Variants in SLC30A9 observed in about 807,000 individuals in gnomAD.
SLC30A9 encodes proton-coupled zinc antiporter SLC30A9, mitochondrial.
SLC30A9 carries 58 observed loss-of-function variants against 87.5 expected under a neutral mutation model. The ratio of observed to expected loss-of-function variants is 0.66; its 90% CI spans 0.54 to 0.82. SLC30A9 has a LOEUF of 0.82. Among genes scored for constraint, SLC30A9 ranks in the 40% least tolerant of loss-of-function variants. SLC30A9 has a pLI of 0.00. For synonymous variants in SLC30A9, 234 were observed against 233.0 expected (o/e 1.00, Z -0.04); for missense variants, 557 against 679.1 (o/e 0.82, Z 2.00).
chr4:42,006,487 G>A (rs1420759437), intron 2 of SLC30A9, among the ~76,000 whole-genome samples: 1 of 152,010 alleles, frequency 6.6e-6, no homozygotes, highest in Admixed American at 6.6e-5. Flanking sequence ...AGGAGTTCGA[G>A]ACCAGCCTGA....
intron 4 of SLC30A9, among the ~76,000 whole-genome samples, chr4:42,021,523 G>A (rs989053171): frequency 6.6e-6 from 1 of 152,130 alleles, no homozygotes; most frequent in African/African-American, 2.4e-5. Context: ...AATATAGAAT[G>A]ACTATTTAGC....
intron 9 of SLC30A9, among the ~76,000 whole-genome samples, chr4:42,053,466 A>G (rs1338293716): frequency 1.3e-5 from 2 of 152,056 alleles, no homozygotes; most frequent in African/African-American, 2.4e-5. Context: ...CAAGGCAGGC[A>G]GATCATCTGA....
chr4:42,070,790 C>A, intron 15 of SLC30A9, 99 bp downstream of exon 15: 2 of 949,606 alleles, frequency 2.1e-6, no homozygotes, highest in Non-Finnish European at 3.0e-6. Flanking sequence ...TTTTGGATTC[C>A]TCGTCTTCAG....
intron 2 of SLC30A9, among the ~76,000 whole-genome samples, chr4:42,004,946 A>G (rs748991800): frequency 4.0e-5 from 6 of 151,578 alleles, no homozygotes; most frequent in Non-Finnish European, 8.8e-5. Context: ...GAGCCACTAT[A>G]CCGGCCATAT....
chr4:41,991,484 G>C (rs1714439519), intron 1 of SLC30A9, among the ~76,000 whole-genome samples: 1 of 152,116 alleles, frequency 6.6e-6, no homozygotes, highest in Non-Finnish European at 1.5e-5. Flanking sequence ...AACTAATCAG[G>C]CTTACCTTCG....
At chr4:42,068,210 T>G (rs951188723) in intron 14 of SLC30A9, among the ~76,000 whole-genome samples, 2 of 152,108 alleles carry the variant, frequency 1.3e-5, no homozygotes, top group African/African-American at 2.4e-5. Flanking sequence ...TGAGTGATGT[T>G]TTTGTGACCA....
chr4:42,051,238 A>G (rs1478812517), intron 9 of SLC30A9, among the ~76,000 whole-genome samples: 1 of 152,192 alleles, frequency 6.6e-6, no homozygotes, highest in Non-Finnish European at 1.5e-5. Flanking sequence ...CTCCCTAACA[A>G]ATCTTCCTAA....
In SLC30A9 at chr4:42,084,644, G is replaced by T. The variant is rs550806714; in HGVS notation, c.1663-1438G>T. ...GCGCCACTATGCCCAGCTAATTTTTGTACTTTTTAATAGAGATGGGGTTTC... is the reference window on the plus strand; with the variant it reads ...GCGCCACTATGCCCAGCTAATTTTTTTACTTTTTAATAGAGATGGGGTTTC... On this transcript the variant is annotated intron_variant, in intron 17 of 17. Transcript: ENST00000264451. Among the ~76,000 whole-genome samples the T allele has an allele frequency of 1.2e-4, 19 of 152,080 alleles. No individual in the cohort carries two copies. In the South Asian group the frequency reaches 3.7e-3, roughly 30 times the overall value.
intron 2 of SLC30A9, among the ~76,000 whole-genome samples, chr4:42,007,152 T>A (rs1433418804): frequency 2.0e-5 from 3 of 152,148 alleles, no homozygotes; most frequent in African/African-American, 7.2e-5. Context: ...TGCTTTTTTT[T>A]AAAGGAGTAG....
intron 15 of SLC30A9, among the ~76,000 whole-genome samples, chr4:42,074,564 C>T (rs1718446812): frequency 6.6e-6 from 1 of 152,058 alleles, no homozygotes; most frequent in Non-Finnish European, 1.5e-5. Context: ...ATGCAAATAC[C>T]ACTGGGCTTG....
chr4:42,078,169 G>A (rs1718626849), intron 16 of SLC30A9, 43 bp from the exon 17 acceptor site: 1 of 963,906 alleles, frequency 1.0e-6, no homozygotes, highest in South Asian at 1.5e-5. Flanking sequence ...GTACCACTAT[G>A]GTTTTTTAAA....
chr4:42,033,816 C>T (rs568333567), intron 6 of SLC30A9, among the ~76,000 whole-genome samples: 41 of 152,270 alleles, frequency 2.7e-4, no homozygotes, highest in Non-Finnish European at 5.3e-4. Flanking sequence ...ACCTTGTGAT[C>T]CACCCGCCTT....
intron 9 of SLC30A9, among the ~76,000 whole-genome samples, chr4:42,057,347 T>C (rs1355854265): frequency 6.6e-6 from 1 of 152,220 alleles, no homozygotes; most frequent in African/African-American, 2.4e-5. Flanking sequence ...GTGTTTCCCA[T>C]ACATCCTCTG....
At chr4:42,027,940 G>A (rs1716261335) in intron 6 of SLC30A9, among the ~76,000 whole-genome samples, 1 of 152,154 alleles carries the variant, frequency 6.6e-6, no homozygotes, top group African/African-American at 2.4e-5. Flanking sequence ...GGACACTGAG[G>A]ACAGACATCA....
At chr4:42,041,330 G>A (rs1716914566) in intron 8 of SLC30A9, among the ~76,000 whole-genome samples, 2 of 152,120 alleles carry the variant, frequency 1.3e-5, no homozygotes, top group South Asian at 2.1e-4. Context: ...CTGTCGCCAG[G>A]CTGGAGTGCA....
chr4:42,049,205 A>G (rs1265302292), intron 8 of SLC30A9, among the ~76,000 whole-genome samples, 172 bp from the exon 9 acceptor site: 1 of 152,190 alleles, frequency 6.6e-6, no homozygotes, highest in African/African-American at 2.4e-5. Flanking sequence ...TCCTCAAGCC[A>G]TCCTCCCACC....
intron 2 of SLC30A9, among the ~76,000 whole-genome samples, chr4:42,005,650 G>A (rs1656602100): frequency 6.6e-6 from 1 of 152,096 alleles, no homozygotes; most frequent in Admixed American, 6.5e-5. Context: ...AGAAATCCGG[G>A]GAAAGCTGGC....
chr4:42,061,895 C>T (rs1717867865), intron 10 of SLC30A9, among the ~76,000 whole-genome samples: 1 of 138,658 alleles, frequency 7.2e-6, no homozygotes, highest in Non-Finnish European at 1.5e-5. Flanking sequence ...AGCGAAACTC[C>T]GTTTCAAAAA....
chr4:42,087,069 C>A lies in SLC30A9; in HGVS notation c.*943C>A, dbSNP rs1718947300. The A allele has an allele frequency of 6.6e-6, 1 of 152,050 alleles. No individual in the cohort carries two copies. The highest frequency in any genetic ancestry group is 6.6e-5 in the Admixed American group (1 of 15,258). The allele number at this position is 152,050 out of a possible 1,614,324, so 9.4% of individuals were successfully genotyped here. A position where few individuals can be genotyped will look rare whatever the true frequency, so the allele number is the denominator to read the frequency against. ...TGTAAATCTGAGCTGTGGGATATTT[C>A]TTGCTTTAAGAGAGAGACAGAATCT... On this transcript the variant is annotated 3_prime_UTR_variant, in exon 18 of 18. Coordinates refer to ENST00000264451, the MANE Select transcript of SLC30A9 (RefSeq NM_006345.4).
Sources: allele counts gnomAD v4.1 joint callset (sites outside exome capture counted in the v4.1 genomes callset), GRCh38; gene constraint gnomAD v4.1.1; transcripts MANE v1.5; gene names NCBI Gene and HGNC (gene_info 2026-07-23, HGNC 2026-07-21).